The following PTPRZ1 variants were observed in gnomAD, a reference collection of about 807,000 sequenced individuals.
PTPRZ1 encodes the protein protein tyrosine phosphatase receptor type Z1.
A neutral mutation model predicts 214.1 loss-of-function variants in PTPRZ1; 82 were observed. That is an observed-to-expected ratio of 0.38 (90% CI 0.32 to 0.46). The LOEUF (loss-of-function observed/expected upper bound fraction) is 0.46. Ranked by LOEUF, PTPRZ1 falls within the 20% of genes least tolerant of loss-of-function variation. PTPRZ1 has a pLI of 1.00. For synonymous variants in PTPRZ1, 945 were observed against 987.9 expected, an observed-to-expected ratio of 0.96 and a Z score of 0.81; for missense variants, 2,603 against 2,748.7, an observed-to-expected ratio of 0.95 and a Z score of 1.19.
chr7:121,882,218 G>C (rs1385326796), intron 1 of PTPRZ1, among the ~76,000 whole-genome samples: 2 of 152,184 alleles, frequency 1.3e-5, no homozygotes, highest in African/African-American at 2.4e-5. Context: ...CCTCCAGAGA[G>C]ACTATTCTTC....
intron 1 of PTPRZ1, among the ~76,000 whole-genome samples, chr7:121,919,679 A>G (rs1323104148): frequency 6.6e-6 from 1 of 152,084 alleles, no homozygotes; most frequent in Middle Eastern, 3.4e-3. Context: ...TTTTTTTCAC[A>G]AATAGTGTTC....
chr7:121,925,826 A>G (rs1024429779), intron 1 of PTPRZ1, among the ~76,000 whole-genome samples: 5 of 152,188 alleles, frequency 3.3e-5, no homozygotes, highest in Non-Finnish European at 1.5e-5. Context: ...AGCTTTTACA[A>G]CTTGGAGCAA....
At chr7:121,996,066 G>A (rs888292022) in intron 8 of PTPRZ1, among the ~76,000 whole-genome samples, 12 of 152,074 alleles carry the variant, frequency 7.9e-5, no homozygotes, top group South Asian at 2.1e-4. Context: ...AAATAATGCA[G>A]TAATAATGAT....
intron 1 of PTPRZ1, among the ~76,000 whole-genome samples, chr7:121,894,183 C>A (rs765363281): frequency 1.3e-5 from 2 of 152,158 alleles, no homozygotes; most frequent in East Asian, 3.8e-4. Context: ...CCAGTTGGTG[C>A]TCCTGTCAGC....
chr7:121,981,977 A>G (rs1047413090), intron 6 of PTPRZ1, among the ~76,000 whole-genome samples: 6 of 152,142 alleles, frequency 3.9e-5, no homozygotes, highest in African/African-American at 1.2e-4. Context: ...TCAACCTACC[A>G]TTAGGTTATG....
In PTPRZ1 at chr7:121,998,025, A is replaced by G. The variant is rs555497762; in HGVS notation, c.1240+19A>G. The G allele has an allele frequency of 1.7e-5, 28 of 1,606,492 alleles. No homozygotes were observed. The highest frequency in any genetic ancestry group is 1.6e-4 in the East Asian group (7 of 44,590). On this transcript the variant is annotated intron_variant, in intron 10 of 29. Coordinates refer to ENST00000393386, the MANE Select transcript of PTPRZ1 (RefSeq NM_002851.3). ...AATCCTGGTAAGTGCCACCAGATAC[A>G]TCTATATATTAACTCAATAAATGAG...
At chr7:121,950,426 G>C (rs1286301225) in intron 2 of PTPRZ1, among the ~76,000 whole-genome samples, 1 of 152,154 alleles carries the variant, frequency 6.6e-6, no homozygotes, top group Non-Finnish European at 1.5e-5. Flanking sequence ...TACTTGATTT[G>C]ACAGAGCATG....
chr7:122,034,477 G>A (rs1186594067), intron 17 of PTPRZ1, 99 bp downstream of exon 17: 2 of 945,116 alleles, frequency 2.1e-6, no homozygotes, highest in Non-Finnish European at 3.3e-6. Flanking sequence ...CCTTAGTGTG[G>A]CTGTTTGGGG....
At chr7:121,912,312 TA>T (rs1403980836) in intron 1 of PTPRZ1, among the ~76,000 whole-genome samples, 1 of 152,198 alleles carries the variant, frequency 6.6e-6, no homozygotes, top group Non-Finnish European at 1.5e-5. Context: ...AAGAGATGGT[TA>T]TGAAGTTGAT....
chr7:121,968,034 C>T lies in PTPRZ1; in HGVS notation c.208C>T (p.Leu70Phe). 6.3e-7 allele frequency: 1 copy of T among 1,594,280 alleles called. No individual in the cohort carries two copies. Among genetic ancestry groups the T allele is most frequent in the Non-Finnish European group, 8.6e-7 (1 of 1,164,742 alleles). Residue 70 changes from leucine to phenylalanine, a missense_variant, in exon 3 of 30, where the codon CTT becomes TTT. By Grantham distance (22) the Leu-to-Phe change is conservative. This residue lies in a region of PTPRZ1 where 141 missense variants were observed against 143.7 expected (regional missense o/e 0.98). Coordinates refer to ENST00000393386, the MANE Select transcript of PTPRZ1 (RefSeq NM_002851.3). ...KQSPINIDED[L>F]TQVNVNLKKL... is the part of the protein sequence containing the mutation. ...ATCTCCTATCAATATTGATGAAGAT[C>T]TTACACAAGTAAATGTGAATCTTAA...
intron 8 of PTPRZ1, among the ~76,000 whole-genome samples, chr7:121,988,395 C>T (rs1797834601): frequency 6.6e-6 from 1 of 152,156 alleles, no homozygotes; most frequent in African/African-American, 2.4e-5. Flanking sequence ...GGATGAGTCT[C>T]ATCCATACAG....
intron 1 of PTPRZ1, among the ~76,000 whole-genome samples, chr7:121,877,828 C>T (rs73435002): frequency 0.1 from 15,786 of 152,042 alleles, 2,319 homozygotes; most frequent in African/African-American, 0.33. Context: ...CTCTCAAATA[C>T]TTTAAAATGC....
At chr7:122,020,294 A>G (rs1249913195) in intron 13 of PTPRZ1, among the ~76,000 whole-genome samples, 3 of 152,204 alleles carry the variant, frequency 2.0e-5, no homozygotes, top group Admixed American at 6.6e-5. Context: ...GAAGAAATAT[A>G]TGCTTATTGA....
intron 1 of PTPRZ1, among the ~76,000 whole-genome samples, chr7:121,875,373 A>G (rs992464126): frequency 6.6e-6 from 1 of 152,212 alleles, no homozygotes; most frequent in African/African-American, 2.4e-5. Context: ...TATAGTATGT[A>G]TAAGTACTTC....
chr7:121,921,901 A>G (rs1795608911), intron 1 of PTPRZ1, among the ~76,000 whole-genome samples: 1 of 152,228 alleles, frequency 6.6e-6, no homozygotes, highest in Non-Finnish European at 1.5e-5. Context: ...CTGAATTACC[A>G]TAATTAGCTA....
At chr7:122,003,004 C>T (rs1016917324) in intron 10 of PTPRZ1, among the ~76,000 whole-genome samples, 2 of 152,128 alleles carry the variant, frequency 1.3e-5, no homozygotes, top group South Asian at 4.1e-4. Flanking sequence ...TTTAGAAAAT[C>T]ATAAGGAAGG....
chr7:121,985,597 A>G (rs938325153), intron 8 of PTPRZ1, among the ~76,000 whole-genome samples: 2 of 152,304 alleles, frequency 1.3e-5, no homozygotes, highest in East Asian at 1.9e-4. Context: ...CATTGATGGC[A>G]TATTCCTCTC....
At chr7:121,917,510 T>C (rs1247790661) in intron 1 of PTPRZ1, among the ~76,000 whole-genome samples, 2 of 152,164 alleles carry the variant, frequency 1.3e-5, no homozygotes, top group African/African-American at 2.4e-5. Context: ...ACATTGCTGT[T>C]GCATTTAAAA....
intron 9 of PTPRZ1, 57 bp downstream of exon 9, chr7:121,996,623 T>G (rs946149228): frequency 7.6e-7 from 1 of 1,318,332 alleles, no homozygotes; most frequent in African/African-American, 1.5e-5. Context: ...ATTTCCAAGG[T>G]AAGAACTTAC....
Sources: gnomAD v4.1 joint callset for allele counts (sites outside exome capture counted in the v4.1 genomes callset) on GRCh38, gnomAD v4.1.1 for gene constraint, gnomAD v4.1.1 regional missense constraint, MANE v1.5 for transcripts, NCBI Gene and HGNC (gene_info 2026-07-23, HGNC 2026-07-21) for gene names.